Variants in TIMP2 observed in about 807,000 individuals in gnomAD.
TIMP2 encodes the protein metalloproteinase inhibitor 2.
A neutral mutation model predicts 24.3 loss-of-function variants in TIMP2; 5 were observed. The observed-to-expected ratio is 0.21, with a 90% confidence interval of 0.11 to 0.43. The LOEUF is 0.43. Among genes scored for constraint, TIMP2 ranks in the 20% least tolerant of loss-of-function variants. The pLI is 1.00. For missense variants in TIMP2, 221 were observed against 297.5 expected (o/e 0.74, Z 1.89); for synonymous variants, 130 against 123.2 (o/e 1.06, Z -0.37).
intron 1 of TIMP2, among the ~76,000 whole-genome samples, chr17:78,908,299 G>C (rs2070179238): frequency 6.6e-6 from 1 of 152,144 alleles, no homozygotes. Flanking sequence ...ATACTTCCAT[G>C]TGTCCTAAAT....
rs561601270 is a variant in TIMP2, at chr17:78,906,242, C to A, written c.130+18717G>T. Among the ~76,000 whole-genome samples the A allele has an allele frequency of 1.8e-3, 277 of 152,194 alleles. 2 individuals are homozygous for A. The highest frequency in any genetic ancestry group is 3.2e-3 in the Non-Finnish European group (219 of 68,020). On this transcript the variant is annotated intron_variant, in intron 1 of 4. Transcript: ENST00000262768. The stretch of plus-strand genomic sequence containing the variant: ...AAATAGCCAGGCATAGTGGTGCGTA[C>A]CTGCAGTCCCAGCTACTCAGGAGGC...
intron 1 of TIMP2, among the ~76,000 whole-genome samples, chr17:78,877,634 G>A (rs560508834): frequency 5.0e-4 from 76 of 152,112 alleles, no homozygotes; most frequent in African/African-American, 8.2e-4. Context: ...CAGCAAGCCG[G>A]CCTTTATTAC....
At position 78,912,340 on chromosome 17, in the gene TIMP2, C is replaced by T. The variant is rs185702980; in HGVS notation, c.130+12619G>A. On this transcript the variant is annotated intron_variant, in intron 1 of 4. Coordinates refer to ENST00000262768, the MANE Select transcript of TIMP2 (RefSeq NM_003255.5). Reference sequence around the variant, plus strand: ...ACGAGCCTTGGCAAAGCCTGCCCCACTGCCAGTTTGCTTTGCCACGTCTGT... The same window carrying T: ...ACGAGCCTTGGCAAAGCCTGCCCCATTGCCAGTTTGCTTTGCCACGTCTGT... Among the ~76,000 whole-genome samples, 4 of 152,364 alleles carry T rather than the reference C, an allele frequency of 2.6e-5. No homozygotes were observed. The East Asian group carries it at 5.8e-4, about 22-fold the overall frequency.
intron 2 of TIMP2, among the ~76,000 whole-genome samples, chr17:78,871,329 G>A (rs2069682017): frequency 6.6e-6 from 1 of 151,708 alleles, no homozygotes; most frequent in Admixed American, 6.6e-5. Context: ...GCAAGCGCCT[G>A]TAATCCCAGC....
chr17:78,923,316 C>T (rs920710067), intron 1 of TIMP2, among the ~76,000 whole-genome samples: 1 of 149,302 alleles, frequency 6.7e-6, no homozygotes, highest in Non-Finnish European at 1.5e-5. Flanking sequence ...CAGTGGCCGC[C>T]TTAACTTATG....
intron 1 of TIMP2, among the ~76,000 whole-genome samples, chr17:78,888,594 A>G (rs1599157677): frequency 6.6e-6 from 1 of 152,300 alleles, no homozygotes; most frequent in Admixed American, 6.5e-5. Context: ...CTGGGACTGT[A>G]GGTGCAGGCC....
intron 3 of TIMP2, among the ~76,000 whole-genome samples, chr17:78,868,625 A>G (rs997948497): frequency 1.3e-5 from 2 of 152,108 alleles, no homozygotes; most frequent in African/African-American, 4.8e-5. Context: ...ATGTTCCTTA[A>G]CTGGCTGAGT....
intron 3 of TIMP2, among the ~76,000 whole-genome samples, chr17:78,863,574 T>G (rs971644553): frequency 1.3e-5 from 2 of 152,132 alleles, no homozygotes; most frequent in African/African-American, 2.4e-5. Context: ...CTCTTCAAAA[T>G]CTTTCAATGT....
rs900269470 is a variant in TIMP2 at position 78,854,975 on chromosome 17, G to T, written c.*692C>A. ...AGACCAAAAAGACTCAGCTGAGGCT[G>T]GAACGCAGCTCAGCTGGGGTTTCTC... On this transcript the variant is annotated 3_prime_UTR_variant, in exon 5 of 5. Coordinates refer to ENST00000262768, the MANE Select transcript of TIMP2 (RefSeq NM_003255.5). 6 of 151,338 alleles carry T rather than the reference G, an allele frequency of 4.0e-5. No individual in the cohort carries two copies. The highest frequency in any genetic ancestry group is 1.5e-4 in the African/African-American group (6 of 41,094). 9.4% of individuals were successfully genotyped at this position (151,338 alleles called of 1,614,324 possible).
chr17:78,895,092 C>T (rs2069977768), intron 1 of TIMP2, among the ~76,000 whole-genome samples: 1 of 152,104 alleles, frequency 6.6e-6, no homozygotes, highest in Admixed American at 6.5e-5. Context: ...AGCAGCCTAA[C>T]CAACATGGTG....
At chr17:78,915,693 T>A (rs527495815) in intron 1 of TIMP2, among the ~76,000 whole-genome samples, 1 of 152,150 alleles carries the variant, frequency 6.6e-6, no homozygotes, top group East Asian at 1.9e-4. Context: ...CTAATTTTTT[T>A]ATTTTTAGTA....
rs143613382 is a variant in TIMP2, at chr17:78,920,863, C to T, written c.130+4096G>A. Among the ~76,000 whole-genome samples, 2 of 152,208 alleles carry T rather than the reference C, an allele frequency of 1.3e-5. No individual in the cohort carries two copies. Among genetic ancestry groups the T allele is most frequent in the South Asian group, 4.1e-4 (2 of 4,826 alleles). Reference sequence around the variant, plus strand: ...CACCGCCTGGTGCCAAGATGTACCACCCCCTGCATCCCCCACCACAGGGAC... The same window carrying T: ...CACCGCCTGGTGCCAAGATGTACCATCCCCTGCATCCCCCACCACAGGGAC... On this transcript the variant is annotated intron_variant, in intron 1 of 4. Transcript: ENST00000262768. This position sits in a 1 kb window ranked among gnomAD's most constrained non-coding sequence, Gnocchi z 4.5.
intron 1 of TIMP2, among the ~76,000 whole-genome samples, chr17:78,879,568 C>T (rs2069760254): frequency 6.6e-6 from 1 of 152,258 alleles, no homozygotes; most frequent in African/African-American, 2.4e-5. Context: ...GCTCCTCTGC[C>T]CCTTCCCCAA....
chr17:78,911,694 G>T (rs554595281), intron 1 of TIMP2, among the ~76,000 whole-genome samples: 1 of 152,082 alleles, frequency 6.6e-6, no homozygotes, highest in Non-Finnish European at 1.5e-5. Flanking sequence ...GCCTCCAAAA[G>T]TGCTGAGATT....
chr17:78,864,599 T>C (rs1428446209), intron 3 of TIMP2, among the ~76,000 whole-genome samples: 1 of 152,128 alleles, frequency 6.6e-6, no homozygotes, highest in Admixed American at 6.6e-5. Flanking sequence ...TTTAGTTCTG[T>C]GTCCTCATCA....
Position 78,895,110 on chromosome 17 carries a change from G to A in TIMP2, c.131-21191C>T, listed in dbSNP as rs1214411168. 3.3e-5 allele frequency among the ~76,000 whole-genome samples: 5 copies of A among 152,004 alleles called. 1 individual carries two copies. The highest frequency in any genetic ancestry group is 4.1e-4 in the South Asian group (2 of 4,820). ...AGCCTAACCAACATGGTGAAACCCCGTCTCTACTAAAAATACAAAAATTAG... is the reference window on the plus strand; with the variant it reads ...AGCCTAACCAACATGGTGAAACCCCATCTCTACTAAAAATACAAAAATTAG... On this transcript the variant is annotated intron_variant, in intron 1 of 4. Transcript: ENST00000262768.
At chr17:78,883,146 C>T (rs1172527552) in intron 1 of TIMP2, among the ~76,000 whole-genome samples, 1 of 152,214 alleles carries the variant, frequency 6.6e-6, no homozygotes, top group African/African-American at 2.4e-5. Flanking sequence ...ACCTCCTCGG[C>T]CCCCGGAAGC....
Position 78,896,871 on chromosome 17 carries a change from C to A in TIMP2, c.131-22952G>T, listed in dbSNP as rs1173480259. 1 of 972,372 alleles carries A rather than the reference C, an allele frequency of 1.0e-6. No homozygotes were observed. Among genetic ancestry groups the A allele is most frequent in the East Asian group, 1.1e-4 (1 of 8,738 alleles). The allele number at this position is 972,372 out of a possible 1,614,324, so 60.2% of individuals were successfully genotyped here. A position where few individuals can be genotyped will look rare whatever the true frequency, so the allele number is the denominator to read the frequency against. ...GAGCCAGCCCATGGCAGCTCCACCC[C>A]AGACCGATCCGATCCCAGCACCTGG... On this transcript the variant is annotated intron_variant, in intron 1 of 4. Coordinates refer to ENST00000262768, the MANE Select transcript of TIMP2 (RefSeq NM_003255.5). This position sits in a 1 kb window ranked among gnomAD's most constrained non-coding sequence, Gnocchi z 4.4.
Position 78,856,939 on chromosome 17 carries a change from CAG to C in TIMP2, c.465+581_465+582del, listed in dbSNP as rs542457217. The C allele has an allele frequency of 1.9e-3, 287 of 152,654 alleles. 1 individual carries two copies. Among genetic ancestry groups the C allele is most frequent in the Non-Finnish European group, 3.4e-3 (233 of 68,308 alleles). 9.5% of individuals were successfully genotyped at this position (152,654 alleles called of 1,614,324 possible). A position where few individuals can be genotyped will look rare whatever the true frequency, so the allele number is the denominator to read the frequency against. ...TCCTTTTTCTGGAAGCTACAGGTAA[CAG>C]AGCTGAATTCATGCTCTTACTCTCA... On this transcript the variant is annotated intron_variant, in intron 4 of 4. Coordinates refer to ENST00000262768, the MANE Select transcript of TIMP2 (RefSeq NM_003255.5).
Sources: allele counts gnomAD v4.1 joint callset (sites outside exome capture counted in the v4.1 genomes callset), GRCh38; gene constraint gnomAD v4.1.1; non-coding constraint Gnocchi (gnomAD v3.1); transcripts MANE v1.5; gene names NCBI Gene and HGNC (gene_info 2026-07-23, HGNC 2026-07-21).